CGAS: variants seen among roughly 807,000 people sequenced by gnomAD.
CGAS encodes the protein 2'3'-cGAMP synthase.
In CGAS, 31 loss-of-function variants were observed where a neutral mutation model predicts 34.0. The observed-to-expected ratio is 0.91, with a 90% CI of 0.69 to 1.23. CGAS has a LOEUF of 1.23. Among genes scored for constraint, CGAS ranks in the 50% most tolerant of loss-of-function variants. CGAS has a pLI of 0.00. For synonymous variants in CGAS, 266 were observed against 260.0 expected, an observed-to-expected ratio of 1.02 and a Z score of -0.22; for missense variants, 597 against 657.6, an observed-to-expected ratio of 0.91 and a Z score of 1.01.
intron 2 of CGAS, among the ~76,000 whole-genome samples, chr6:73,443,314 A>G (rs1186660341): frequency 7.4e-6 from 1 of 134,960 alleles, no homozygotes; most frequent in Non-Finnish European, 1.5e-5. Flanking sequence ...GTCTCAGCTC[A>G]CTGCAACCTC....
intron 1 of CGAS, among the ~76,000 whole-genome samples, chr6:73,449,852 G>C (rs544883746): frequency 6.6e-6 from 1 of 151,654 alleles, no homozygotes; most frequent in African/African-American, 2.4e-5. Flanking sequence ...TAAATTAGCC[G>C]GGAGTGGGGG....
rs763350705 is a variant in CGAS at position 73,424,432 on chromosome 6, TAA to T, written c.*793_*794del. 57 of 131,560 alleles carry T rather than the reference TAA, an allele frequency of 4.3e-4. No individual in the cohort carries two copies. Among genetic ancestry groups the T allele is most frequent in the East Asian group, 4.3e-4 (2 of 4,610 alleles). The allele number at this position is 131,560 out of a possible 1,614,324, so 8.1% of individuals were successfully genotyped here. ...CTGGGCGACAGAGCGAGACTCCATCTAAAAAAAAAAAAAAAAAATTATGTATT... is the reference window on the plus strand; with the variant it reads ...CTGGGCGACAGAGCGAGACTCCATCTAAAAAAAAAAAAAAAATTATGTATT... On this transcript the variant is annotated 3_prime_UTR_variant, in exon 5 of 5. Coordinates refer to ENST00000370315, the MANE Select transcript of CGAS (RefSeq NM_138441.3).
intron 2 of CGAS, among the ~76,000 whole-genome samples, chr6:73,443,592 T>TC (rs923162613): frequency 6.6e-6 from 1 of 151,828 alleles, no homozygotes; most frequent in Non-Finnish European, 1.5e-5. Flanking sequence ...CATTGCAACT[T>TC]CCCCCCCACC....
At chr6:73,432,758 G>T (rs1770213458) in intron 3 of CGAS, among the ~76,000 whole-genome samples, 1 of 152,088 alleles carries the variant, frequency 6.6e-6, no homozygotes, top group African/African-American at 2.4e-5. Context: ...TCCTGGCCCA[G>T]TCTCCTTTGG....
intron 4 of CGAS, among the ~76,000 whole-genome samples, 164 bp downstream of exon 4, chr6:73,428,545 A>T (rs1216442214): frequency 2.0e-5 from 3 of 151,944 alleles, no homozygotes; most frequent in Non-Finnish European, 4.4e-5. Context: ...GGCCCTTTGG[A>T]TCTAGCTTCT....
chr6:73,425,377 C>G lies in CGAS; in HGVS notation c.1419G>C (p.Gln473His). Residue 473 changes from glutamine to histidine, a missense_variant, in exon 5 of 5, where the codon CAG (glutamine) becomes CAC (histidine). Coordinates refer to ENST00000370315, the MANE Select transcript of CGAS (RefSeq NM_138441.3). ...CFDNCVTYFL[Q>H]CLRTEKLENY... is the part of the protein sequence containing the mutation. ...TCTCAAGTTTTTCTGTCCTGAGGCACTGAAGAAAGTATGTCACGCAGTTAT... is the reference window on the plus strand; with the variant it reads ...TCTCAAGTTTTTCTGTCCTGAGGCAGTGAAGAAAGTATGTCACGCAGTTAT... The G allele has an allele frequency of 6.2e-7, 1 of 1,613,178 alleles. No homozygotes were observed.
In CGAS at chr6:73,440,381, T is replaced by C. The variant is rs147853641; in HGVS notation, c.942A>G (p.Glu314=). Residue 314 remains glutamate, a synonymous_variant, in exon 3 of 5, where the codon GAA becomes GAG. Transcript: ENST00000370315. ...GSPAVTLLIS[E]KISVDITLAL... is the part of the protein sequence containing the mutation. The stretch of plus-strand genomic sequence containing the variant: ...CCAGGGTTATATCCACAGATATTTT[T>C]TCACTAATAAGAAGTGTTACAGCAG... 8.1e-5 allele frequency: 130 copies of C among 1,614,206 alleles called. No homozygotes were observed. In the African/African-American group the frequency reaches 1.6e-3, roughly 20 times the overall value.
chr6:73,427,008 GC>G (rs1184273058), intron 4 of CGAS, among the ~76,000 whole-genome samples: 1 of 151,614 alleles, frequency 6.6e-6, no homozygotes, highest in Non-Finnish European at 1.5e-5. Context: ...ATGCCACCTC[GC>G]CCGGCTAATT....
At chr6:73,446,270 C>T (rs1363915552) in intron 1 of CGAS, among the ~76,000 whole-genome samples, 1 of 146,398 alleles carries the variant, frequency 6.8e-6, no homozygotes, top group Non-Finnish European at 1.5e-5. Context: ...GCAGATGTTG[C>T]AGTGAGCCAA....
intron 4 of CGAS, among the ~76,000 whole-genome samples, chr6:73,426,859 CT>C (rs1554237226): frequency 2.1e-5 from 3 of 144,668 alleles, no homozygotes; most frequent in Admixed American, 6.9e-5. Flanking sequence ...TTTCTTTTTC[CT>C]TTTTTTTTGA....
intron 3 of CGAS, among the ~76,000 whole-genome samples, chr6:73,430,834 G>T (rs747899704): frequency 6.6e-6 from 1 of 152,212 alleles, no homozygotes; most frequent in Non-Finnish European, 1.5e-5. Flanking sequence ...AGGTGCAGTG[G>T]CTCATGCCTG....
intron 1 of CGAS, among the ~76,000 whole-genome samples, chr6:73,446,934 T>C (rs1770482847): frequency 1.3e-5 from 2 of 152,018 alleles, no homozygotes; most frequent in Non-Finnish European, 2.9e-5. Flanking sequence ...CATGCACCTG[T>C]AGTTCCAGCT....
intron 1 of CGAS, among the ~76,000 whole-genome samples, chr6:73,449,508 C>CACAA (rs569310062): frequency 2.7e-5 from 4 of 150,500 alleles, no homozygotes; most frequent in South Asian, 2.1e-4. Context: ...CACACACACA[C>CACAA]AAAGTGGTTC....
rs311678 is a variant in CGAS at position 73,425,293 on chromosome 6, C to T, written c.1503G>A (p.Lys501=). 1,181,157 of 1,596,022 alleles carry T rather than the reference C, an allele frequency of 0.74. 438,626 individuals are homozygous for T. Among genetic ancestry groups the T allele is most frequent in the South Asian group, 0.81 (70,208 of 87,192 alleles). Residue 501 remains lysine (K), a synonymous_variant, in exon 5 of 5, where the codon AAG becomes AAA. Transcript: ENST00000370315. The part of the protein sequence containing the change: ...FSSNLIDKRS[K]EFLTKQIEYE... ...ATTCAATTTGCTTTGTCAGAAATTCCTTACTTCTTTTGTCAATTAAGTTGC... is the reference window on the plus strand; with the variant it reads ...ATTCAATTTGCTTTGTCAGAAATTCTTTACTTCTTTTGTCAATTAAGTTGC...
chr6:73,425,394 C>T lies in CGAS; in HGVS notation c.1402G>A (p.Val468Met), dbSNP rs779657218. ...CTGAGGCACTGAAGAAAGTATGTCA[C>T]GCAGTTATCAAAGCAGAGGCCCAGG... ...KDLGLCFDNCVTYFLQCLRTE... is the reference protein window; with the variant it reads ...KDLGLCFDNCMTYFLQCLRTE... Residue 468 changes from valine to methionine, a missense_variant, in exon 5 of 5, where the codon GTG (valine) becomes ATG (methionine). This residue lies in a region of CGAS where 271 missense variants were observed against 324.1 expected (regional missense o/e 0.84). Coordinates refer to ENST00000370315, the MANE Select transcript of CGAS (RefSeq NM_138441.3). 3.5e-5 allele frequency: 56 copies of T among 1,613,852 alleles called. No individual in the cohort carries two copies. The East Asian group carries it at 4.7e-4, about 13-fold the overall frequency.
intron 4 of CGAS, among the ~76,000 whole-genome samples, chr6:73,426,362 AAAAT>A (rs1239627598): frequency 6.6e-6 from 1 of 151,672 alleles, no homozygotes; most frequent in Non-Finnish European, 1.5e-5. Flanking sequence ...AAAATAAAAT[AAAAT>A]AAAATAAATA....
Position 73,424,881 on chromosome 6 carries a change from T to C in CGAS, c.*346A>G, listed in dbSNP as rs1239446350. 6.5e-6 allele frequency: 1 copy of C among 152,896 alleles called. No homozygotes were observed. Among genetic ancestry groups the C allele is most frequent in the African/African-American group, 2.4e-5 (1 of 41,466 alleles). 9.5% of individuals were successfully genotyped at this position (152,896 alleles called of 1,614,324 possible). A position where few individuals can be genotyped will look rare whatever the true frequency, so the allele number is the denominator to read the frequency against. On this transcript the variant is annotated 3_prime_UTR_variant, in exon 5 of 5. Coordinates refer to ENST00000370315, the MANE Select transcript of CGAS (RefSeq NM_138441.3). ...TATTTATTTATTTTTTGAGAGGAAG[T>C]CTTGCTCTGTCACCCAGGATGGAGT...
intron 3 of CGAS, among the ~76,000 whole-genome samples, chr6:73,437,670 A>C (rs1259874161): frequency 6.6e-6 from 1 of 152,212 alleles, no homozygotes; most frequent in Non-Finnish European, 1.5e-5. Context: ...GAACAAAAAA[A>C]CTGCAAGTAA....
Position 73,451,840 on chromosome 6 carries a change from A to G in CGAS, c.342T>C (p.Ala114=), listed in dbSNP as rs1770574182. ...GLEPPAAREP[A]LSRAGSCRQR... The stretch of plus-strand genomic sequence containing the variant: ...GGCGGCAAGAACCAGCCCTGGAAAG[A>G]GCCGGCTCCCGAGCCGCAGGAGGCT... Residue 114 remains alanine, a synonymous_variant, in exon 1 of 5, where the codon GCT becomes GCC. Transcript: ENST00000370315. 1 of 1,551,280 alleles carries G rather than the reference A, an allele frequency of 6.4e-7. No individual in the cohort carries two copies. The highest frequency in any genetic ancestry group is 8.7e-7 in the Non-Finnish European group (1 of 1,148,094).
Sources: allele counts gnomAD v4.1 joint callset (sites outside exome capture counted in the v4.1 genomes callset), GRCh38; gene constraint gnomAD v4.1.1; regional missense constraint gnomAD v4.1.1; transcripts MANE v1.5; gene names NCBI Gene and HGNC (gene_info 2026-07-23, HGNC 2026-07-21).